DRD3: variants seen among roughly 807,000 people sequenced by gnomAD.
DRD3 encodes dopamine receptor D3.
A neutral mutation model predicts 36.3 loss-of-function variants in DRD3; 19 were observed. That is an observed-to-expected ratio of 0.52 (90% CI 0.36 to 0.77). DRD3 has a LOEUF of 0.77. Among genes scored for constraint, DRD3 ranks in the 30% least tolerant of loss-of-function variants. The pLI is 0.00. For synonymous variants in DRD3, 195 were observed against 203.7 expected, an observed-to-expected ratio of 0.96 and a Z score of 0.36; for missense variants, 465 against 505.3, an observed-to-expected ratio of 0.92 and a Z score of 0.77.
intron 3 of DRD3, among the ~76,000 whole-genome samples, chr3:114,152,665 T>TCC (rs2077628443): frequency 6.6e-6 from 1 of 152,180 alleles, no homozygotes; most frequent in Non-Finnish European, 1.5e-5. Context: ...AGTTCACTGC[T>TCC]CACCTGGGGG....
At chr3:114,168,334 C>T (rs2077806063) in intron 2 of DRD3, among the ~76,000 whole-genome samples, 1 of 152,164 alleles carries the variant, frequency 6.6e-6, no homozygotes, top group East Asian at 1.9e-4. Context: ...GTTGAAATGA[C>T]ATTCATCCCA....
At chr3:114,164,593 T>C (rs1240691319) in intron 2 of DRD3, among the ~76,000 whole-genome samples, 1 of 152,182 alleles carries the variant, frequency 6.6e-6, no homozygotes, top group Admixed American at 6.5e-5. Context: ...GTGATTCTTA[T>C]TGTCTTGGTT....
At chr3:114,170,119 C>T (rs911269666) in intron 2 of DRD3, among the ~76,000 whole-genome samples, 6 of 152,170 alleles carry the variant, frequency 3.9e-5, no homozygotes, top group Admixed American at 3.3e-4. Context: ...CCTAAAGCGC[C>T]TCATTCTTGA....
At chr3:114,175,066 C>T (rs2077884734) in intron 1 of DRD3, among the ~76,000 whole-genome samples, 1 of 152,050 alleles carries the variant, frequency 6.6e-6, no homozygotes, top group African/African-American at 2.4e-5. Flanking sequence ...AGGAGGTTGT[C>T]CTGTGCATTG....
intron 1 of DRD3, among the ~76,000 whole-genome samples, chr3:114,189,573 T>C (rs2077993123): frequency 6.6e-6 from 1 of 152,204 alleles, no homozygotes; most frequent in Non-Finnish European, 1.5e-5. Flanking sequence ...AATAAAGGCA[T>C]AGAGATGGAA....
At chr3:114,154,668 T>C (rs766652291) in intron 3 of DRD3, among the ~76,000 whole-genome samples, 5 of 152,324 alleles carry the variant, frequency 3.3e-5, no homozygotes, top group Admixed American at 6.5e-5. Flanking sequence ...CTGGTACCTA[T>C]TGTGCTCGCT....
chr3:114,159,454 C>A (rs1248372963), intron 3 of DRD3, among the ~76,000 whole-genome samples: 1 of 151,926 alleles, frequency 6.6e-6, no homozygotes, highest in Non-Finnish European at 1.5e-5. Context: ...TAATGGGAAG[C>A]TTTCCTTCCT....
intron 6 of DRD3, 82 bp from the exon 7 acceptor site, chr3:114,128,994 C>G: frequency 7.2e-7 from 1 of 1,389,484 alleles, no homozygotes; most frequent in East Asian, 2.4e-5. Flanking sequence ...TCACGGTTGT[C>G]TACTTTATGC....
At chr3:114,129,076 C>T (rs934584149) in intron 6 of DRD3, among the ~76,000 whole-genome samples, 164 bp from the exon 7 acceptor site, 2 of 152,144 alleles carry the variant, frequency 1.3e-5, no homozygotes, top group Non-Finnish European at 2.9e-5. Context: ...GGTGTGGTGG[C>T]TCACGCTTGT....
intron 4 of DRD3, among the ~76,000 whole-genome samples, chr3:114,141,740 G>C (rs1269540855): frequency 2.0e-5 from 3 of 152,124 alleles, no homozygotes; most frequent in Admixed American, 2.0e-4. Context: ...CAAAGCCTAT[G>C]TCATCATCCT....
At chr3:114,171,251 G>A (rs1047280506) in intron 2 of DRD3, among the ~76,000 whole-genome samples, 5 of 152,042 alleles carry the variant, frequency 3.3e-5, no homozygotes, top group Non-Finnish European at 7.4e-5. Context: ...TCTGTTCGCT[G>A]GTCATTCTTT....
intron 2 of DRD3, among the ~76,000 whole-genome samples, chr3:114,171,060 C>T (rs1323791543): frequency 6.6e-6 from 1 of 152,078 alleles, no homozygotes; most frequent in Non-Finnish European, 1.5e-5. Flanking sequence ...AATGTTTCTC[C>T]CCAAAAGAAT....
intron 4 of DRD3, among the ~76,000 whole-genome samples, chr3:114,140,404 C>G (rs1036771529): frequency 6.6e-6 from 1 of 152,150 alleles, no homozygotes; most frequent in Admixed American, 6.6e-5. Flanking sequence ...CTTGGGAGGT[C>G]CCTCTAGCTT....
chr3:114,174,260 A>T (rs1003705232), intron 1 of DRD3, among the ~76,000 whole-genome samples: 2 of 152,174 alleles, frequency 1.3e-5, no homozygotes, highest in African/African-American at 4.8e-5. Context: ...AGGCAGGCTG[A>T]GGCCCAAATG....
At chr3:114,160,136 G>C (rs548014003) in intron 2 of DRD3, among the ~76,000 whole-genome samples, 1 of 152,248 alleles carries the variant, frequency 6.6e-6, no homozygotes, top group South Asian at 2.1e-4. Context: ...CTCAAAGTGT[G>C]GTCCACAGTG....
upstream of DRD3, among the ~76,000 whole-genome samples, chr3:114,181,002 A>G (rs2077944955): frequency 6.6e-6 from 1 of 152,158 alleles, no homozygotes; most frequent in Non-Finnish European, 1.5e-5. Context: ...ATTTTCTTTA[A>G]CATTTGAAGA....
intron 6 of DRD3, among the ~76,000 whole-genome samples, chr3:114,129,807 C>T (rs533016613): frequency 1.3e-5 from 2 of 152,264 alleles, no homozygotes; most frequent in African/African-American, 2.4e-5. Flanking sequence ...CCTGTAATCC[C>T]AGCAGTTTGG....
intron 1 of DRD3, among the ~76,000 whole-genome samples, chr3:114,185,933 A>G (rs1256305151): frequency 6.6e-6 from 1 of 152,168 alleles, no homozygotes; most frequent in African/African-American, 2.4e-5. Flanking sequence ...ATTTGAAGTT[A>G]ATAATGTGGT....
intron 1 of DRD3, among the ~76,000 whole-genome samples, chr3:114,178,101 A>T (rs1366137323): frequency 1.3e-5 from 2 of 152,208 alleles, no homozygotes; most frequent in Non-Finnish European, 2.9e-5. Context: ...ACAATTAAAT[A>T]ACAATACCCT....
Sources: gnomAD v4.1 joint callset for allele counts (sites outside exome capture counted in the v4.1 genomes callset) on GRCh38, gnomAD v4.1.1 for gene constraint, MANE v1.5 for transcripts, NCBI Gene and HGNC (gene_info 2026-07-23, HGNC 2026-07-21) for gene names.